The following NLGN4X variants were observed in gnomAD, a reference collection of about 807,000 sequenced individuals.
NLGN4X encodes the protein neuroligin 4 X-linked.
Under a neutral mutation model 40.3 loss-of-function variants are expected in NLGN4X, and 3 were observed. The ratio of observed to expected loss-of-function variants is 0.07; its 90% confidence interval spans 0.03 to 0.19. The LOEUF (loss-of-function observed/expected upper bound fraction) is 0.19. Among genes scored for constraint, NLGN4X ranks in the 10% least tolerant of loss-of-function variants. The pLI, the probability that NLGN4X is intolerant of heterozygous loss-of-function variation, is 1.00. For missense variants in NLGN4X, 382 were observed against 708.3 expected (o/e 0.54, Z 5.23); for synonymous variants, 270 against 306.8 (o/e 0.88, Z 1.25).
intron 3 of NLGN4X, among the ~76,000 whole-genome samples, chrX:5,922,334 T>G (rs1022163039): frequency 9.0e-6 from 1 of 111,045 alleles, no homozygotes; most frequent in Non-Finnish European, 1.9e-5. Context: ...TTCAAATAGC[T>G]AGAAGGAGGA....
chrX:5,909,647 G>A (rs7052720), intron 3 of NLGN4X, among the ~76,000 whole-genome samples: 3,085 of 100,539 alleles, frequency 0.031, 119 homozygotes, highest in African/African-American at 0.11. Flanking sequence ...GTACGTGTGT[G>A]GGGGGGGGAG....
At chrX:6,185,334 T>C (rs1921906813) in intron 1 of NLGN4X, among the ~76,000 whole-genome samples, 2 of 111,886 alleles carry the variant, frequency 1.8e-5, no homozygotes. Flanking sequence ...ACAATTGAAA[T>C]TCATGTTTTC....
At chrX:5,975,612 CA>C (rs60917858) in intron 3 of NLGN4X, among the ~76,000 whole-genome samples, 154 of 53,858 alleles carry the variant, frequency 2.9e-3, no homozygotes, top group Admixed American at 5.7e-3. Context: ...GACTCCGTTT[CA>C]AAAAAAAAAA....
chrX:6,028,082 G>T (rs2036757271), intron 3 of NLGN4X, among the ~76,000 whole-genome samples: 1 of 110,774 alleles, frequency 9.0e-6, no homozygotes, highest in Non-Finnish European at 1.9e-5. Context: ...CTCCCAAAGT[G>T]CTGGGATTAT....
intron 2 of NLGN4X, among the ~76,000 whole-genome samples, chrX:6,086,655 G>A (rs956892094): frequency 9.0e-6 from 1 of 111,209 alleles, no homozygotes; most frequent in African/African-American, 3.3e-5. Context: ...TTTTAAGGAC[G>A]GGGTCTTGTT....
chrX:6,025,060 C>T (rs772431489), intron 3 of NLGN4X, among the ~76,000 whole-genome samples: 260 of 111,688 alleles, frequency 2.3e-3, no homozygotes, highest in African/African-American at 8.3e-3. Flanking sequence ...TTCCTAGTGA[C>T]AAGGGTGTAT....
intron 2 of NLGN4X, among the ~76,000 whole-genome samples, chrX:6,140,025 T>C (rs1248675813): frequency 2.7e-5 from 3 of 111,392 alleles, no homozygotes; most frequent in Non-Finnish European, 5.6e-5. Flanking sequence ...GAATATTAGA[T>C]GTTCCCTTGT....
chrX:6,183,475 A>C (rs963028975), intron 1 of NLGN4X, among the ~76,000 whole-genome samples: 11 of 110,788 alleles, frequency 9.9e-5, no homozygotes, highest in Non-Finnish European at 1.1e-4. Context: ...TGAACACGGG[A>C]GGCGGAGTTT....
At chrX:5,910,680 C>T (rs1601870198) in intron 3 of NLGN4X, among the ~76,000 whole-genome samples, 1 of 111,271 alleles carries the variant, frequency 9.0e-6, no homozygotes, top group East Asian at 2.8e-4. Context: ...TTCCTGAGCA[C>T]CTGTGGAAAA....
chrX:6,165,672 C>T (rs978353689), intron 1 of NLGN4X, among the ~76,000 whole-genome samples: 1 of 111,305 alleles, frequency 9.0e-6, no homozygotes, highest in Admixed American at 9.6e-5. Context: ...CACATTCCCA[C>T]CTCTGGCAAA....
intron 1 of NLGN4X, among the ~76,000 whole-genome samples, chrX:6,221,733 G>A (rs138732256): frequency 1.2e-3 from 131 of 110,402 alleles, no homozygotes; most frequent in African/African-American, 4.2e-3. Flanking sequence ...GCACTCAGTT[G>A]CAGCGAGCTT....
At chrX:6,131,403 C>T (rs5916311) in intron 2 of NLGN4X, among the ~76,000 whole-genome samples, 49,165 of 110,251 alleles carry the variant, frequency 0.45, 8,002 homozygotes, top group Admixed American at 0.58. Flanking sequence ...GATGGCCATA[C>T]ACTAAATAAA....
intron 1 of NLGN4X, among the ~76,000 whole-genome samples, chrX:6,167,224 T>A (rs1315510457): frequency 9.0e-6 from 1 of 111,017 alleles, no homozygotes. Flanking sequence ...TGAGACCACC[T>A]CAGCTGAGCT....
intron 3 of NLGN4X, among the ~76,000 whole-genome samples, chrX:5,914,720 T>G: frequency 9.1e-6 from 1 of 110,370 alleles, no homozygotes; most frequent in Non-Finnish European, 1.9e-5. Flanking sequence ...ACTAAAGAAG[T>G]GACACCAAAC....
intron 2 of NLGN4X, among the ~76,000 whole-genome samples, chrX:6,048,560 C>T (rs759699223): frequency 1.1e-4 from 12 of 111,773 alleles, no homozygotes; most frequent in Non-Finnish European, 1.5e-4. Context: ...TTCATTGCAG[C>T]GCTATTCACA....
chrX:5,986,070 T>C (rs1317025318), intron 3 of NLGN4X, among the ~76,000 whole-genome samples: 1 of 112,171 alleles, frequency 8.9e-6, no homozygotes, highest in Non-Finnish European at 1.9e-5. Context: ...AGACCTATTT[T>C]AGTTACTGAA....
At chrX:5,989,612 T>C (rs2035624648) in intron 3 of NLGN4X, among the ~76,000 whole-genome samples, 1 of 112,561 alleles carries the variant, frequency 8.9e-6, no homozygotes, top group East Asian at 2.8e-4. Flanking sequence ...CTAAAGTCCA[T>C]TGTGAAGTCC....
At chrX:6,138,833 G>A (rs1056567909) in intron 2 of NLGN4X, among the ~76,000 whole-genome samples, 5 of 110,151 alleles carry the variant, frequency 4.5e-5, no homozygotes, top group Non-Finnish European at 7.6e-5. Context: ...TGACTCTATC[G>A]TTTCCGTCCA....
chrX:6,045,602 T>C (rs1321461557), intron 2 of NLGN4X, among the ~76,000 whole-genome samples: 1 of 111,819 alleles, frequency 8.9e-6, no homozygotes, highest in East Asian at 2.8e-4. Flanking sequence ...AGTCAGGTGA[T>C]AGCTGAGGGA....
Sources: gnomAD v4.1 joint callset for allele counts (sites outside exome capture counted in the v4.1 genomes callset) on GRCh38, gnomAD v4.1.1 for gene constraint, MANE v1.5 for transcripts, NCBI Gene and HGNC (gene_info 2026-07-23, HGNC 2026-07-21) for gene names.